The following UBE2D4 variants were observed in gnomAD, a reference collection of about 807,000 sequenced individuals.
The protein encoded by UBE2D4 is ubiquitin-conjugating enzyme E2 D4.
A neutral mutation model predicts 23.0 loss-of-function variants in UBE2D4; 17 were observed. The observed-to-expected ratio is 0.74, with a 90% confidence interval of 0.51 to 1.11. The LOEUF (loss-of-function observed/expected upper bound fraction) is 1.11. UBE2D4 is among the 50% of genes least tolerant of loss of function. The pLI is 0.00. For synonymous variants in UBE2D4, 61 were observed against 69.4 expected, an observed-to-expected ratio of 0.88 and a Z score of 0.60; for missense variants, 139 against 181.8, an observed-to-expected ratio of 0.76 and a Z score of 1.35.
intron 1 of UBE2D4, 74 bp from the exon 2 acceptor site, chr7:43,938,357 C>A: frequency 6.8e-7 from 1 of 1,462,494 alleles, no homozygotes; most frequent in Non-Finnish European, 9.6e-7. Context: ...GAATTCCTTC[C>A]AGCTACCAAG....
rs2095981489 is a variant in UBE2D4, at chr7:43,944,651, T to C, written c.198+1620T>C. On this transcript the variant is annotated intron_variant, in intron 4 of 6. Coordinates refer to ENST00000222402, the MANE Select transcript of UBE2D4 (RefSeq NM_015983.4). The surrounding 1 kb of genome is among the most constrained non-coding windows in gnomAD (Gnocchi z 4.0). ...TTAGGATCCCAGAGACCTTTTAAGCTTTTAGCAAGGGAGTGGAGTGTGCTG... is the reference window on the plus strand; with the variant it reads ...TTAGGATCCCAGAGACCTTTTAAGCCTTTAGCAAGGGAGTGGAGTGTGCTG... 6.6e-6 allele frequency: 1 copy of C among 152,178 alleles called. No individual in the cohort carries two copies. The highest frequency in any genetic ancestry group is 6.5e-5 in the Admixed American group (1 of 15,274). The allele number at this position is 152,178 out of a possible 1,614,324, so 9.4% of individuals were successfully genotyped here.
In UBE2D4 at chr7:43,932,914, A is replaced by C. The variant is rs569333598; in HGVS notation, c.25-5517A>C. ...TAAAAAACTCATCTCTAGTCATCTA[A>C]AGTGGGGTCACTTTTTCTTGCTGGA... On this transcript the variant is annotated intron_variant, in intron 1 of 6. Coordinates refer to ENST00000222402, the MANE Select transcript of UBE2D4 (RefSeq NM_015983.4). 0.016 allele frequency among the ~76,000 whole-genome samples: 10 copies of C among 628 alleles called. No individual in the cohort carries two copies. The South Asian group carries it at 0.19, about 12-fold the overall frequency. 0.4% of individuals were successfully genotyped at this position (628 alleles called of 152,430 possible).
chr7:43,940,803 A>G (rs148167659), intron 2 of UBE2D4: 56 of 152,366 alleles, frequency 3.7e-4, no homozygotes, highest in African/African-American at 1.3e-3. Context: ...TTTATTTAAT[A>G]AAGAATTCCA....
At chr7:43,931,621 G>C (rs6942544) in intron 1 of UBE2D4, among the ~76,000 whole-genome samples, 23,200 of 137,578 alleles carry the variant, frequency 0.17, 2,342 homozygotes, top group African/African-American at 0.24. Flanking sequence ...GGGGGGGCGG[G>C]GGGGGTGGCA....
At chr7:43,940,181 G>A (rs1430923939) in intron 2 of UBE2D4, among the ~76,000 whole-genome samples, 1 of 152,122 alleles carries the variant, frequency 6.6e-6, no homozygotes, top group Non-Finnish European at 1.5e-5. Context: ...GCTTTATGTG[G>A]GAGTTTAAAT....
At chr7:43,942,779 G>C (rs1354064999) in intron 2 of UBE2D4, 47 bp from the exon 3 acceptor site, 1 of 1,613,706 alleles carries the variant, frequency 6.2e-7, no homozygotes, top group Admixed American at 1.7e-5. Flanking sequence ...AGAATGACAT[G>C]TTTCTTGGGG....
rs750927474 is a variant in UBE2D4, at chr7:43,942,974, A to T, written c.141A>T (p.Gly47=). The T allele has an allele frequency of 6.2e-7, 1 of 1,614,040 alleles. No individual in the cohort carries two copies. Among genetic ancestry groups the T allele is most frequent in the Non-Finnish European group, 8.5e-7 (1 of 1,179,994 alleles). The change falls in exon 4 of 7, where the codon GGA becomes GGT. Residue 47 remains glycine (G), a synonymous_variant. Coordinates refer to ENST00000222402, the MANE Select transcript of UBE2D4 (RefSeq NM_015983.4). ...TCCAGAATGACAGTCCTTACCAAGG[A>T]GGTGTTTTCTTCCTGACCATCCACT... The part of the protein sequence containing the change: ...IMGPNDSPYQ[G]GVFFLTIHFP...
At chr7:43,940,130 C>A (rs575524558) in intron 2 of UBE2D4, among the ~76,000 whole-genome samples, 2 of 152,190 alleles carry the variant, frequency 1.3e-5, no homozygotes, top group Non-Finnish European at 2.9e-5. Context: ...GAGGAGCCAG[C>A]GGTAGGCAGA....
chr7:43,952,370 G>A (rs2096004702), intron 6 of UBE2D4: 1 of 350,006 alleles, frequency 2.9e-6, no homozygotes, highest in Admixed American at 3.9e-5. Flanking sequence ...GAAAGAAAGG[G>A]AGGAAGTCTG....
chr7:43,928,899 G>C (rs577707352), intron 1 of UBE2D4, among the ~76,000 whole-genome samples: 1 of 152,276 alleles, frequency 6.6e-6, no homozygotes, highest in South Asian at 2.1e-4. Context: ...TTATAAAAGG[G>C]AGCGTTTGGA....
chr7:43,952,989 TGGG>T lies in UBE2D4; in HGVS notation c.*298_*300del, dbSNP rs1215058664. The T allele has an allele frequency of 4.9e-6, 2 of 404,370 alleles. No homozygotes were observed. Among genetic ancestry groups the T allele is most frequent in the Non-Finnish European group, 9.5e-6 (2 of 209,686 alleles). 25.0% of individuals were successfully genotyped at this position (404,370 alleles called of 1,614,324 possible). A position where few individuals can be genotyped will look rare whatever the true frequency, so the allele number is the denominator to read the frequency against. On this transcript the variant is annotated 3_prime_UTR_variant, in exon 7 of 7. Coordinates refer to ENST00000222402, the MANE Select transcript of UBE2D4 (RefSeq NM_015983.4). Reference sequence around the variant, plus strand: ...CGCCTCAGTTTGTCTGCTGGTCTCTTGGGGGGCCAGGCCCTGCACGTCTCTCCT... The same window carrying T: ...CGCCTCAGTTTGTCTGCTGGTCTCTTGGGCCAGGCCCTGCACGTCTCTCCT...
chr7:43,953,278 G>A lies in UBE2D4; in HGVS notation c.*583G>A, dbSNP rs754268379. On this transcript the variant is annotated 3_prime_UTR_variant, in exon 7 of 7. Coordinates refer to ENST00000222402, the MANE Select transcript of UBE2D4 (RefSeq NM_015983.4). Reference sequence around the variant, plus strand: ...CACCAGTCTCCTCCTGCAGTGCCACGTGGTGGCATTTCTCGCCTCACACCA... The same window carrying A: ...CACCAGTCTCCTCCTGCAGTGCCACATGGTGGCATTTCTCGCCTCACACCA... 6.7e-6 allele frequency: 3 copies of A among 445,352 alleles called. No homozygotes were observed. Among genetic ancestry groups the A allele is most frequent in the South Asian group, 3.2e-5 (2 of 63,230 alleles). 27.6% of individuals were successfully genotyped at this position (445,352 alleles called of 1,614,324 possible).
chr7:43,945,026 CTT>C (rs1335082288), intron 4 of UBE2D4: 1 of 152,056 alleles, frequency 6.6e-6, no homozygotes, highest in African/African-American at 2.4e-5. Context: ...CGGTTTCACT[CTT>C]GTCTCCCAGG....
intron 4 of UBE2D4, among the ~76,000 whole-genome samples, chr7:43,945,479 C>T (rs2095983997): frequency 6.6e-6 from 1 of 152,164 alleles, no homozygotes. Context: ...CACAAATTTT[C>T]TGACAATAGG....
chr7:43,927,563 C>G (rs1483090119), intron 1 of UBE2D4, among the ~76,000 whole-genome samples: 1 of 152,150 alleles, frequency 6.6e-6, no homozygotes, highest in Non-Finnish European at 1.5e-5. Context: ...CCTCTGCCTC[C>G]TAAAGTGGCG....
chr7:43,926,984 C>A (rs1280937583), intron 1 of UBE2D4, among the ~76,000 whole-genome samples: 1 of 152,166 alleles, frequency 6.6e-6, no homozygotes, highest in Non-Finnish European at 1.5e-5. Flanking sequence ...GCTTGGAGGA[C>A]TGACAGGGTA....
chr7:43,929,883 A>G (rs2095941704), intron 1 of UBE2D4, among the ~76,000 whole-genome samples: 1 of 152,220 alleles, frequency 6.6e-6, no homozygotes, highest in South Asian at 2.1e-4. Flanking sequence ...GTGAGATGGC[A>G]CCATTGGGCC....
At chr7:43,930,063 C>G (rs1198433827) in intron 1 of UBE2D4, among the ~76,000 whole-genome samples, 4 of 152,212 alleles carry the variant, frequency 2.6e-5, no homozygotes, top group African/African-American at 9.7e-5. Flanking sequence ...TGCTGGACAT[C>G]TGGGAGTAAT....
At chr7:43,937,586 G>A (rs1055618922) in intron 1 of UBE2D4, among the ~76,000 whole-genome samples, 1 of 152,212 alleles carries the variant, frequency 6.6e-6, no homozygotes, top group Non-Finnish European at 1.5e-5. Context: ...AACCCTCGGG[G>A]AGAAAACATG....
Sources: allele counts gnomAD v4.1 joint callset (sites outside exome capture counted in the v4.1 genomes callset), GRCh38; gene constraint gnomAD v4.1.1; non-coding constraint Gnocchi (gnomAD v3.1); transcripts MANE v1.5; gene names NCBI Gene and HGNC (gene_info 2026-07-23, HGNC 2026-07-21).